EML1: variants seen among roughly 807,000 people sequenced by gnomAD.
The protein encoded by EML1 is EMAP like 1, also known as echinoderm microtubule-associated protein-like 1.
In EML1, 27 loss-of-function variants were observed where a neutral mutation model predicts 110.4. The ratio of observed to expected loss-of-function variants is 0.24; its 90% CI spans 0.18 to 0.34. The LOEUF is 0.34. EML1 is among the 10% of genes least tolerant of loss of function. The pLI is 1.00. For missense variants in EML1, 741 were observed against 1,030.9 expected (o/e 0.72, Z 3.85); for synonymous variants, 344 against 385.8 (o/e 0.89, Z 1.27).
intron 15 of EML1, among the ~76,000 whole-genome samples, chr14:99,916,967 CTG>C (rs2060044195): frequency 1.3e-5 from 2 of 152,292 alleles, no homozygotes; most frequent in African/African-American, 4.8e-5. Flanking sequence ...TTAGTGATGA[CTG>C]TGTGTGTGTT....
chr14:99,855,596 A>G, intron 2 of EML1, among the ~76,000 whole-genome samples: 1 of 152,214 alleles, frequency 6.6e-6, no homozygotes, highest in South Asian at 2.1e-4. Flanking sequence ...TTTGTTATGC[A>G]TTAACCAGTG....
chr14:99,866,824 T>C (rs1011258189), intron 3 of EML1, among the ~76,000 whole-genome samples: 4 of 152,228 alleles, frequency 2.6e-5, no homozygotes, highest in African/African-American at 9.6e-5. Flanking sequence ...CTTTTGTGAC[T>C]GGCTTACTTT....
intron 8 of EML1, among the ~76,000 whole-genome samples, chr14:99,899,203 G>A (rs200958128): frequency 8.5e-6 from 1 of 118,112 alleles, no homozygotes; most frequent in Non-Finnish European, 1.9e-5. Context: ...ACTAATTTAA[G>A]TACATACATT....
intron 1 of EML1, among the ~76,000 whole-genome samples, chr14:99,786,827 G>A (rs1004354835): frequency 1.3e-5 from 2 of 152,164 alleles, no homozygotes; most frequent in African/African-American, 4.8e-5. Flanking sequence ...GCACCTCTTT[G>A]GGTAAGTTAA....
chr14:99,762,088 G>A (rs1188984847), intron 1 of EML1, among the ~76,000 whole-genome samples: 8 of 152,142 alleles, frequency 5.3e-5, no homozygotes, highest in Non-Finnish European at 8.8e-5. Flanking sequence ...CTGAACAGAC[G>A]TGGGCACGGA....
intron 1 of EML1, among the ~76,000 whole-genome samples, chr14:99,849,669 T>C (rs1236872547): frequency 2.0e-5 from 3 of 151,346 alleles, no homozygotes; most frequent in Non-Finnish European, 4.4e-5. Flanking sequence ...CACCTGAGCC[T>C]CCCAAGTAGC....
At chr14:99,878,721 A>G in intron 4 of EML1, 102 bp downstream of exon 4, 1 of 1,480,092 alleles carries the variant, frequency 6.8e-7, no homozygotes, top group South Asian at 1.4e-5. Flanking sequence ...ACAAGCTGGG[A>G]GTACTCTTGG....
chr14:99,907,608 T>C, intron 9 of EML1, 30 bp from the exon 10 acceptor site: 1 of 1,584,982 alleles, frequency 6.3e-7, no homozygotes, highest in Non-Finnish European at 8.6e-7. Flanking sequence ...TTCTCAGATA[T>C]AGTCTTCCTG....
chr14:99,740,855 G>A (rs1252181103), intron 1 of EML1, among the ~76,000 whole-genome samples: 1 of 151,872 alleles, frequency 6.6e-6, no homozygotes, highest in African/African-American at 2.4e-5. Flanking sequence ...AGAAGATGCT[G>A]GCTCTACACA....
At chr14:99,832,675 G>C (rs181205503) in intron 1 of EML1, among the ~76,000 whole-genome samples, 3 of 152,304 alleles carry the variant, frequency 2.0e-5, no homozygotes, top group East Asian at 3.9e-4. Flanking sequence ...CCTTGGCCAA[G>C]TCTCTGTTAG....
intron 8 of EML1, among the ~76,000 whole-genome samples, chr14:99,900,324 A>AT (rs2059742500): frequency 6.6e-6 from 1 of 151,358 alleles, no homozygotes; most frequent in African/African-American, 2.4e-5. Flanking sequence ...AGTAGCTGGG[A>AT]TTACAGGCAT....
At chr14:99,910,407 C>T (rs2059927702) in intron 12 of EML1, 66 bp downstream of exon 12, 1 of 1,283,086 alleles carries the variant, frequency 7.8e-7, no homozygotes, top group Admixed American at 2.0e-5. Context: ...AACATGAGTG[C>T]TTTAAGAATT....
chr14:99,751,982 G>A (rs934363662), intron 1 of EML1, among the ~76,000 whole-genome samples: 7 of 152,126 alleles, frequency 4.6e-5, no homozygotes, highest in African/African-American at 1.4e-4. Context: ...CATTCTCAGC[G>A]AGTCTGAGCA....
intron 3 of EML1, among the ~76,000 whole-genome samples, chr14:99,870,213 C>T (rs2059173113): frequency 6.6e-6 from 1 of 152,214 alleles, no homozygotes; most frequent in Non-Finnish European, 1.5e-5. Flanking sequence ...AAAGATCATA[C>T]GAGGCACAAC....
Position 99,891,089 on chromosome 14 carries a change from A to C in EML1, c.519-110A>C, listed in dbSNP as rs1400558275. 3.3e-6 allele frequency: 4 copies of C among 1,229,398 alleles called. No homozygotes were observed. In the African/African-American group the frequency reaches 6.0e-5, roughly 19 times the overall value. The allele number at this position is 1,229,398 out of a possible 1,614,324, so 76.2% of individuals were successfully genotyped here. ...TTTTTCTTATTAACGTGTATAACTT[A>C]TGCAGCATTTGTGTGGCAGACTACT... On this transcript the variant is annotated intron_variant, in intron 4 of 21. Coordinates refer to ENST00000262233, the MANE Select transcript of EML1 (RefSeq NM_004434.3).
intron 1 of EML1, among the ~76,000 whole-genome samples, chr14:99,836,736 G>C (rs2058547295): frequency 6.6e-6 from 1 of 152,074 alleles, no homozygotes; most frequent in Admixed American, 6.6e-5. Flanking sequence ...TGCCTCGTTG[G>C]GTGCTGGATA....
At chr14:99,819,406 C>T (rs530955896) in intron 1 of EML1, among the ~76,000 whole-genome samples, 54 of 152,252 alleles carry the variant, frequency 3.5e-4, no homozygotes, top group Non-Finnish European at 7.1e-4. Flanking sequence ...CTTTTCCCAC[C>T]AGAACATTTT....
In EML1 at chr14:99,812,453, A is replaced by G. The variant is rs1180256939; in HGVS notation, c.67+18910A>G. Among the ~76,000 whole-genome samples the G allele has an allele frequency of 2.6e-5, 4 of 151,884 alleles. 1 individual carries two copies. The highest frequency in any genetic ancestry group is 5.9e-5 in the Non-Finnish European group (4 of 67,912). On this transcript the variant is annotated intron_variant, in intron 1 of 21. Coordinates refer to ENST00000262233, the MANE Select transcript of EML1 (RefSeq NM_004434.3). ...AGGTGACGATGCTTTTTTGAGGCTGACATAGTGGTACACAGCATTGAGGTG... is the reference window on the plus strand; with the variant it reads ...AGGTGACGATGCTTTTTTGAGGCTGGCATAGTGGTACACAGCATTGAGGTG...
rs551030219 is a variant in EML1 at position 99,805,098 on chromosome 14, G to A, written c.67+11555G>A. Among the ~76,000 whole-genome samples the A allele has an allele frequency of 1.8e-4, 28 of 152,264 alleles. No homozygotes were observed. The South Asian group carries it at 3.3e-3, about 18-fold the overall frequency. ...CTTCAGAACCCTGCTCCCATGCCAC[G>A]GGAAACCTCAGGGCAGGTAGATGTA... On this transcript the variant is annotated intron_variant, in intron 1 of 21. Coordinates refer to ENST00000262233, the MANE Select transcript of EML1 (RefSeq NM_004434.3).
Sources: gnomAD v4.1 joint callset for allele counts (sites outside exome capture counted in the v4.1 genomes callset) on GRCh38, gnomAD v4.1.1 for gene constraint, MANE v1.5 for transcripts, NCBI Gene and HGNC (gene_info 2026-07-23, HGNC 2026-07-21) for gene names.